The following KDM3A variants were observed in gnomAD, a reference collection of about 807,000 sequenced individuals.
KDM3A encodes lysine demethylase 3A.
A neutral mutation model predicts 158.0 loss-of-function variants in KDM3A; 60 were observed. The observed-to-expected ratio is 0.38, with a 90% CI of 0.31 to 0.47. The LOEUF (loss-of-function observed/expected upper bound fraction) is 0.47. KDM3A is among the 20% of genes least tolerant of loss of function. The probability of loss-of-function intolerance (pLI) is 0.99; values close to 1 mark genes in which losing one functional copy is unlikely to be tolerated. For missense variants in KDM3A, 1,319 were observed against 1,574.3 expected (o/e 0.84, Z 2.74); for synonymous variants, 608 against 549.3 (o/e 1.11, Z -1.49).
chr2:86,437,457 A>G (rs1682510250), upstream of KDM3A, among the ~76,000 whole-genome samples: 1 of 152,168 alleles, frequency 6.6e-6, no homozygotes, highest in African/African-American at 2.4e-5. Context: ...TACATTTTTA[A>G]TGGATAATCA....
At chr2:86,450,109 A>C in intron 3 of KDM3A, 147 bp downstream of exon 3, 1 of 803,916 alleles carries the variant, frequency 1.2e-6, no homozygotes, top group Non-Finnish European at 1.9e-6. Flanking sequence ...TGCACTTCTG[A>C]GCGAGTCCCT....
chr2:86,456,812 C>A lies in KDM3A; in HGVS notation c.689C>A (p.Ala230Glu). Reference protein sequence around the residue: ...TLQVNCEEIPALKIVDPSLIH... With the variant: ...TLQVNCEEIPELKIVDPSLIH... ...GTTTCATTTATTTTTAAGATTCCAG[C>A]ACTGAAAATTGTTGATCCGTCACTG... Residue 230 changes from alanine to glutamate, a missense_variant, in exon 7 of 26, where the codon GCA becomes GAA. By Grantham distance (107) the Ala-to-Glu change is moderately radical. This residue lies in a region of KDM3A where 652 missense variants were observed against 627.2 expected (regional missense o/e 1.04). Coordinates refer to ENST00000312912, the MANE Select transcript of KDM3A (RefSeq NM_018433.6). 6.2e-7 allele frequency: 1 copy of A among 1,609,266 alleles called. No homozygotes were observed. The highest frequency in any genetic ancestry group is 8.5e-7 in the Non-Finnish European group (1 of 1,176,168).
At chr2:86,449,568 A>C (rs1672346636) in intron 2 of KDM3A, among the ~76,000 whole-genome samples, 1 of 152,174 alleles carries the variant, frequency 6.6e-6, no homozygotes, top group African/African-American at 2.4e-5. Context: ...TTAGGGACAC[A>C]GACTGGCCCA....
intron 3 of KDM3A, 30 bp from the exon 4 acceptor site, chr2:86,451,073 A>G (rs767596150): frequency 9.7e-6 from 14 of 1,440,918 alleles, no homozygotes; most frequent in Non-Finnish European, 1.2e-5. Context: ...GACAGCAGTT[A>G]TGATGCTAAA....
rs192774493 is a variant in KDM3A, at chr2:86,465,601, G to C, written c.1008-771G>C. Among the ~76,000 whole-genome samples, 338 of 151,988 alleles carry C rather than the reference G, an allele frequency of 2.2e-3. 1 individual carries two copies. Among genetic ancestry groups the C allele is most frequent in the African/African-American group, 7.9e-3 (326 of 41,480 alleles). On this transcript the variant is annotated intron_variant, in intron 9 of 25. Coordinates refer to ENST00000312912, the MANE Select transcript of KDM3A (RefSeq NM_018433.6). ...TTTTAATTTTTTTGTAGAGATGGGG[G>C]ACTTGCTATTTTGCCCAGTCTGGTC...
intron 4 of KDM3A, among the ~76,000 whole-genome samples, chr2:86,451,513 C>T (rs1672469063): frequency 6.6e-6 from 1 of 152,058 alleles, no homozygotes; most frequent in African/African-American, 2.4e-5. Flanking sequence ...AAGCAGAATA[C>T]ATTTAGTATT....
intron 9 of KDM3A, among the ~76,000 whole-genome samples, chr2:86,465,648 G>A (rs1233695670): frequency 6.6e-6 from 1 of 152,088 alleles, no homozygotes; most frequent in African/African-American, 2.4e-5. Flanking sequence ...GCCTCTAGCA[G>A]TCCTCTCATC....
chr2:86,489,476 G>C, intron 22 of KDM3A, 39 bp downstream of exon 22: 1 of 1,612,422 alleles, frequency 6.2e-7, no homozygotes, highest in Non-Finnish European at 8.5e-7. Context: ...TACTCTTTGA[G>C]CCAGGGCTTG....
chr2:86,453,501 G>C (rs932714840), intron 4 of KDM3A, among the ~76,000 whole-genome samples: 1 of 152,166 alleles, frequency 6.6e-6, no homozygotes, highest in South Asian at 2.1e-4. Flanking sequence ...GTAAGAAAAA[G>C]ATAAGGTATC....
At chr2:86,454,992 A>G (rs1323803687) in intron 4 of KDM3A, 93 bp from the exon 5 acceptor site, 1 of 698,144 alleles carries the variant, frequency 1.4e-6, no homozygotes, top group Admixed American at 3.1e-5. Flanking sequence ...ACTTTAACCC[A>G]TTTGATTAAC....
chr2:86,491,349 G>C (rs1674447459), intron 25 of KDM3A, 74 bp downstream of exon 25: 1 of 1,484,262 alleles, frequency 6.7e-7, no homozygotes, highest in South Asian at 1.1e-5. Context: ...ACCTTATAAA[G>C]AGAGTCAGTG....
chr2:86,483,039 G>A (rs1419958552), intron 18 of KDM3A: 1 of 272,134 alleles, frequency 3.7e-6, no homozygotes. Context: ...CAGACAAAAT[G>A]TGCTACAAAA....
intron 3 of KDM3A, among the ~76,000 whole-genome samples, chr2:86,450,413 T>C (rs1225213546): frequency 1.3e-5 from 2 of 152,216 alleles, no homozygotes; most frequent in African/African-American, 2.4e-5. Flanking sequence ...CCTTGCTCTC[T>C]GTAGGGTTTC....
intron 16 of KDM3A, 81 bp downstream of exon 16, chr2:86,480,443 G>A: frequency 8.0e-7 from 1 of 1,249,226 alleles, no homozygotes; most frequent in Non-Finnish European, 1.1e-6. Context: ...GTGGTTAGAA[G>A]TCGTGTGGAA....
chr2:86,482,211 C>A (rs890763286), intron 17 of KDM3A, 109 bp downstream of exon 17: 161 of 1,307,320 alleles, frequency 1.2e-4, no homozygotes, highest in Admixed American at 2.4e-4. Context: ...ACATACTTAC[C>A]TTTGTGGGTT....
chr2:86,455,831 C>G (rs1672669500), intron 5 of KDM3A, among the ~76,000 whole-genome samples: 1 of 151,568 alleles, frequency 6.6e-6, no homozygotes, highest in Non-Finnish European at 1.5e-5. Flanking sequence ...TGGCACATGC[C>G]TGTAATCCCA....
Position 86,492,032 on chromosome 2 carries a change from T to C in KDM3A, c.3886-7T>C, listed in dbSNP as rs564339549. 4 of 1,595,870 alleles carry C rather than the reference T, an allele frequency of 2.5e-6. No homozygotes were observed. The highest frequency in any genetic ancestry group is 3.4e-6 in the Non-Finnish European group (4 of 1,164,828). On this transcript the variant is annotated splice_polypyrimidine_tract_variant and splice_region_variant and intron_variant, in intron 25 of 25. Transcript: ENST00000312912. Reference sequence around the variant, plus strand: ...AAAATGCCCATATTTTCTCCTACTATTTTTAGGTGAAGAATGTTATCTACC... The same window carrying C: ...AAAATGCCCATATTTTCTCCTACTACTTTTAGGTGAAGAATGTTATCTACC...
intron 8 of KDM3A, 117 bp from the exon 9 acceptor site, chr2:86,463,936 T>C (rs1470701694): frequency 1.2e-5 from 8 of 667,242 alleles, no homozygotes; most frequent in Admixed American, 6.5e-5. Context: ...TTTCTTTTTA[T>C]TTGGCAATGG....
At chr2:86,480,079 T>G in intron 15 of KDM3A, 88 bp from the exon 16 acceptor site, 1 of 1,012,286 alleles carries the variant, frequency 9.9e-7, no homozygotes, top group Admixed American at 2.0e-5. Context: ...TTTATCTTAC[T>G]TGTTGGTCGG....
Sources: gnomAD v4.1 joint callset for allele counts (sites outside exome capture counted in the v4.1 genomes callset) on GRCh38, gnomAD v4.1.1 for gene constraint, gnomAD v4.1.1 regional missense constraint, MANE v1.5 for transcripts, NCBI Gene and HGNC (gene_info 2026-07-23, HGNC 2026-07-21) for gene names.